DLGAP2: variants seen among roughly 807,000 people sequenced by gnomAD.
DLGAP2 encodes disks large-associated protein 2.
A neutral mutation model predicts 100.3 loss-of-function variants in DLGAP2; 26 were observed. The ratio of observed to expected loss-of-function variants is 0.26; its 90% CI spans 0.19 to 0.36. DLGAP2 has a LOEUF of 0.36. DLGAP2 is among the 10% of genes least tolerant of loss of function. The pLI is 1.00. For missense variants in DLGAP2, 1,858 were observed against 1,453.2 expected (o/e 1.28, Z -4.53); for synonymous variants, 886 against 630.1 (o/e 1.41, Z -6.08).
intron 1 of DLGAP2, among the ~76,000 whole-genome samples, chr8:897,682 C>T (rs1398473043): frequency 6.6e-6 from 1 of 152,222 alleles, no homozygotes; most frequent in Non-Finnish European, 1.5e-5. Flanking sequence ...AGCCGCTCTC[C>T]TCCCGCCCCT....
At chr8:779,673 C>T (rs1337898710) in intron 1 of DLGAP2, among the ~76,000 whole-genome samples, 1 of 151,914 alleles carries the variant, frequency 6.6e-6, no homozygotes, top group African/African-American at 2.4e-5. Flanking sequence ...TTAATGTTTT[C>T]TGGTTTCTAG....
At chr8:1,319,182 C>G (rs1800838548) in intron 3 of DLGAP2, among the ~76,000 whole-genome samples, 1 of 152,104 alleles carries the variant, frequency 6.6e-6, no homozygotes, top group African/African-American at 2.4e-5. Context: ...CCCCATGGCT[C>G]CCCTCCCTCC....
At chr8:1,426,570 C>G (rs1026963301) in intron 3 of DLGAP2, among the ~76,000 whole-genome samples, 2 of 152,164 alleles carry the variant, frequency 1.3e-5, no homozygotes, top group African/African-American at 4.8e-5. Context: ...AAGGGTTCTG[C>G]TGTTGCCTGG....
intron 3 of DLGAP2, chr8:1,368,519 T>C (rs1487966628): frequency 1.3e-5 from 2 of 152,118 alleles, no homozygotes; most frequent in Admixed American, 1.3e-4. Flanking sequence ...TCACAGTAAA[T>C]ATTTATAGAA....
intron 1 of DLGAP2, among the ~76,000 whole-genome samples, chr8:864,040 T>G (rs1797444012): frequency 6.6e-6 from 1 of 152,140 alleles, no homozygotes; most frequent in South Asian, 2.1e-4. Flanking sequence ...ATCCTGTCAT[T>G]TGCGGCAACG....
At chr8:1,674,916 T>G (rs1477330518) in intron 10 of DLGAP2, among the ~76,000 whole-genome samples, 6 of 152,268 alleles carry the variant, frequency 3.9e-5, no homozygotes, top group Admixed American at 3.9e-4. Flanking sequence ...ATTACAATCC[T>G]TTGCGTAAAA....
At chr8:1,144,166 G>A (rs1796567672) in intron 2 of DLGAP2, among the ~76,000 whole-genome samples, 1 of 152,254 alleles carries the variant, frequency 6.6e-6, no homozygotes. Context: ...AAAGAAAGGA[G>A]GGGAATGGCT....
At position 1,243,775 on chromosome 8, in the gene DLGAP2, T is replaced by C. The variant is rs189898155; in HGVS notation, c.74-15076T>C. On this transcript the variant is annotated intron_variant, in intron 2 of 14. Transcript: ENST00000637795. ...CGCCTCTGCTGTCTCTTCTCTCAGGTGGGCCACCCACCCTGCCACCATTGA... is the reference window on the plus strand; with the variant it reads ...CGCCTCTGCTGTCTCTTCTCTCAGGCGGGCCACCCACCCTGCCACCATTGA... Among the ~76,000 whole-genome samples, 1,418 of 152,272 alleles carry C rather than the reference T, an allele frequency of 9.3e-3. 16 individuals are homozygous for C. Among genetic ancestry groups the C allele is most frequent in the Non-Finnish European group, 0.016 (1,072 of 68,012 alleles).
chr8:1,545,669 C>G (rs1477424301), intron 4 of DLGAP2, among the ~76,000 whole-genome samples: 1 of 152,220 alleles, frequency 6.6e-6, no homozygotes, highest in African/African-American at 2.4e-5. Context: ...TTACAGCACG[C>G]TGCCATTGTC....
chr8:1,357,657 C>A (rs1313472895), intron 3 of DLGAP2, among the ~76,000 whole-genome samples: 1 of 152,060 alleles, frequency 6.6e-6, no homozygotes, highest in African/African-American at 2.4e-5. Context: ...TAAAATAAAC[C>A]TTTTTGTCTC....
rs546739995 is a variant in DLGAP2 at position 1,195,127 on chromosome 8, A to G, written c.74-63724A>G. Among the ~76,000 whole-genome samples, 41 of 152,360 alleles carry G rather than the reference A, an allele frequency of 2.7e-4. No homozygotes were observed. In the South Asian group the frequency reaches 8.3e-3, roughly 31 times the overall value. ...CATGGCTGCAGCAGGTGGAGATTAG[A>G]CTGCCCCTGGTCGCAAAGGCGTCAG... On this transcript the variant is annotated intron_variant, in intron 2 of 14. Coordinates refer to ENST00000637795, the MANE Select transcript of DLGAP2 (RefSeq NM_001346810.2).
chr8:1,657,259 G>T (rs955743432), intron 8 of DLGAP2, among the ~76,000 whole-genome samples: 1 of 152,118 alleles, frequency 6.6e-6, no homozygotes, highest in Non-Finnish European at 1.5e-5. Flanking sequence ...TTTTAAGGAC[G>T]TAGACTAGAA....
At chr8:1,050,941 G>T (rs1436517569) in intron 2 of DLGAP2, among the ~76,000 whole-genome samples, 4 of 144,282 alleles carry the variant, frequency 2.8e-5, no homozygotes, top group South Asian at 2.3e-4. Context: ...TTTCGTGGGT[G>T]GGGGGTCATT....
chr8:916,935 C>G (rs1798606142), intron 2 of DLGAP2, among the ~76,000 whole-genome samples: 2 of 152,206 alleles, frequency 1.3e-5, no homozygotes, highest in South Asian at 4.1e-4. Flanking sequence ...AGGGCTCAGC[C>G]TCTTGTGGGG....
intron 2 of DLGAP2, among the ~76,000 whole-genome samples, chr8:1,225,689 C>G (rs550976989): frequency 2.8e-4 from 42 of 152,306 alleles, no homozygotes; most frequent in Middle Eastern, 3.4e-3. Flanking sequence ...TAGGTACATA[C>G]TACCAAAAAT....
intron 3 of DLGAP2, among the ~76,000 whole-genome samples, chr8:1,489,963 C>A (rs1475224567): frequency 6.6e-6 from 1 of 152,134 alleles, no homozygotes; most frequent in Non-Finnish European, 1.5e-5. Flanking sequence ...ACAATCTTGG[C>A]TCACTGCAAC....
rs145914473 is a variant in DLGAP2 at position 1,424,299 on chromosome 8, A to G, written c.107-77067A>G. Among the ~76,000 whole-genome samples the G allele has an allele frequency of 2.2e-4, 34 of 152,378 alleles. No individual in the cohort carries two copies. In the East Asian group the frequency reaches 6.4e-3, roughly 29 times the overall value. On this transcript the variant is annotated intron_variant, in intron 3 of 14. Transcript: ENST00000637795. ...GCATCTAACTCTTCAATCTAAAGAC[A>G]ACAGAGACTTATTAAGACGTGCGTA...
At chr8:1,641,286 G>T (rs985787162) in intron 8 of DLGAP2, among the ~76,000 whole-genome samples, 1 of 152,154 alleles carries the variant, frequency 6.6e-6, no homozygotes, top group Non-Finnish European at 1.5e-5. Flanking sequence ...AGAATTGCTC[G>T]GGTGAGAACA....
chr8:1,107,684 C>G (rs954042628), intron 2 of DLGAP2, among the ~76,000 whole-genome samples: 1 of 152,226 alleles, frequency 6.6e-6, no homozygotes, highest in Non-Finnish European at 1.5e-5. Context: ...CTTCCCTGCT[C>G]TGTCCCAGCA....
Sources: gnomAD v4.1 joint callset for allele counts (sites outside exome capture counted in the v4.1 genomes callset) on GRCh38, gnomAD v4.1.1 for gene constraint, MANE v1.5 for transcripts, NCBI Gene and HGNC (gene_info 2026-07-23, HGNC 2026-07-21) for gene names.